UMAD1: variants seen among roughly 807,000 people sequenced by gnomAD.
UMAD1 encodes UBAP1-MVB12-associated (UMA)-domain containing protein 1.
In UMAD1, 8 loss-of-function variants were observed where a neutral mutation model predicts 6.1. The ratio of observed to expected loss-of-function variants is 1.30; its 90% CI spans 0.76 to 2.35. UMAD1 has a LOEUF of 2.35. Among genes scored for constraint, UMAD1 ranks in the 30% most tolerant of loss-of-function variants. UMAD1 has a pLI of 0.00. For synonymous variants in UMAD1, 56 were observed against 31.4 expected, an observed-to-expected ratio of 1.78 and a Z score of -2.61; for missense variants, 130 against 78.4, an observed-to-expected ratio of 1.66 and a Z score of -2.49.
intron 1 of UMAD1, among the ~76,000 whole-genome samples, chr7:7,653,923 A>G (rs929792180): frequency 2.0e-5 from 3 of 152,230 alleles, no homozygotes; most frequent in Non-Finnish European, 4.4e-5. Context: ...ACAAAGAATT[A>G]CCTGATCCCA....
At chr7:7,800,748 A>G (rs374595901) in intron 2 of UMAD1, among the ~76,000 whole-genome samples, 7 of 152,140 alleles carry the variant, frequency 4.6e-5, no homozygotes, top group African/African-American at 1.7e-4. Context: ...CTTAGACAAG[A>G]TTTTCATACT....
At chr7:7,836,590 C>G (rs1012187374) in intron 3 of UMAD1, among the ~76,000 whole-genome samples, 2 of 151,640 alleles carry the variant, frequency 1.3e-5, no homozygotes, top group African/African-American at 4.8e-5. Flanking sequence ...TCTCATATAA[C>G]ACAAACTAAA....
intron 3 of UMAD1, among the ~76,000 whole-genome samples, chr7:7,824,248 A>G (rs1583852714): frequency 1.3e-5 from 2 of 152,158 alleles, no homozygotes; most frequent in Middle Eastern, 3.4e-3. Context: ...ACCCCGGCTC[A>G]CCTTCAGTAA....
rs1784472501 is a variant in UMAD1 at position 7,878,727 on chromosome 7, A to G, written c.*1189A>G. 6.6e-6 allele frequency: 1 copy of G among 152,254 alleles called. No homozygotes were observed. The highest frequency in any genetic ancestry group is 2.4e-5 in the African/African-American group (1 of 41,470). 9.4% of individuals were successfully genotyped at this position (152,254 alleles called of 1,614,324 possible). Reference sequence around the variant, plus strand: ...GCCATAGTGAAACTAAACACTGTGCATAAAGGTACATGAATTATTCCAGTT... The same window carrying G: ...GCCATAGTGAAACTAAACACTGTGCGTAAAGGTACATGAATTATTCCAGTT... On this transcript the variant is annotated 3_prime_UTR_variant, in exon 4 of 4. Transcript: ENST00000682710.
At chr7:7,695,567 C>T (rs1390674780) in intron 2 of UMAD1, among the ~76,000 whole-genome samples, 1 of 152,144 alleles carries the variant, frequency 6.6e-6, no homozygotes, top group Non-Finnish European at 1.5e-5. Context: ...TCAAGCTTTT[C>T]ATGTTCTTTG....
chr7:7,678,636 A>AGATAAATATATATTTATATATTTAGTT lies in UMAD1; in HGVS notation c.82+5184_82+5210dup, dbSNP rs1583725680. The stretch of plus-strand genomic sequence containing the variant: ...ATATATATTTATATACTTAATTTAT[A>AGATAAATATATATTTATATATTTAGTT]GATAAATATATATTTATATATTTAG... On this transcript the variant is annotated intron_variant, in intron 2 of 3. Transcript: ENST00000682710. Among the ~76,000 whole-genome samples the AGATAAATATATATTTATATATTTAGTT allele has an allele frequency of 7.4e-5, 4 of 53,972 alleles. No homozygotes were observed. The South Asian group carries it at 2.0e-3, about 27-fold the overall frequency. The allele number at this position is 53,972 out of a possible 152,430, so 35.4% of individuals were successfully genotyped here.
chr7:7,823,933 A>G (rs1783294554), intron 3 of UMAD1, among the ~76,000 whole-genome samples: 1 of 152,154 alleles, frequency 6.6e-6, no homozygotes, highest in Admixed American at 6.6e-5. Context: ...GCCTAGCAGT[A>G]TAATCCCAGA....
intron 3 of UMAD1, among the ~76,000 whole-genome samples, chr7:7,842,074 A>G (rs757301568): frequency 5.3e-5 from 8 of 152,212 alleles, no homozygotes; most frequent in African/African-American, 1.2e-4. Context: ...TAGGTAAGCA[A>G]TAACAGCAAA....
At chr7:7,794,590 A>G (rs1782636163) in intron 2 of UMAD1, among the ~76,000 whole-genome samples, 1 of 152,180 alleles carries the variant, frequency 6.6e-6, no homozygotes, top group Admixed American at 6.5e-5. Flanking sequence ...ATTAATGTTA[A>G]AAGAGAGATT....
intron 2 of UMAD1, among the ~76,000 whole-genome samples, chr7:7,707,453 T>C (rs1780634480): frequency 6.6e-6 from 1 of 152,214 alleles, no homozygotes; most frequent in Non-Finnish European, 1.5e-5. Context: ...CATTTAAACA[T>C]GTTGAACGTA....
chr7:7,673,420 CCAGAGA>C lies in UMAD1; in HGVS notation c.54_59del (p.Thr19_Glu20del), dbSNP rs1779661432. ...TCCGGAATCTAAAAAGCCCTCAGTA[CCAGAGA>C]CAGAAGCAGATGGATTCGTCCTTTT... is the stretch of plus-strand genomic sequence containing the variant. On this transcript the variant is annotated inframe_deletion, in exon 2 of 4. Coordinates refer to ENST00000682710, the MANE Select transcript of UMAD1 (RefSeq NM_001302348.2). 9.8e-7 allele frequency: 1 copy of C among 1,021,064 alleles called. No homozygotes were observed. The highest frequency in any genetic ancestry group is 2.6e-5 in the East Asian group (1 of 38,420). The allele number at this position is 1,021,064 out of a possible 1,614,324, so 63.3% of individuals were successfully genotyped here.
At chr7:7,823,916 A>G (rs577737833) in intron 3 of UMAD1, among the ~76,000 whole-genome samples, 36 of 152,250 alleles carry the variant, frequency 2.4e-4, no homozygotes, top group Middle Eastern at 6.8e-3. Context: ...TTCATTTAGT[A>G]TTAAATGCCT....
chr7:7,684,660 T>TACTTG (rs1278308829), intron 2 of UMAD1, among the ~76,000 whole-genome samples: 1 of 152,216 alleles, frequency 6.6e-6, no homozygotes, highest in Non-Finnish European at 1.5e-5. Flanking sequence ...TTTTATTAAA[T>TACTTG]TAATTATACA....
chr7:7,816,263 T>C (rs1372112675), intron 3 of UMAD1, among the ~76,000 whole-genome samples: 2 of 152,202 alleles, frequency 1.3e-5, no homozygotes, highest in African/African-American at 4.8e-5. Context: ...ATGCTTTGCA[T>C]CGTGTTGTTT....
chr7:7,823,150 T>TTTA (rs1563235418), intron 3 of UMAD1, among the ~76,000 whole-genome samples: 2 of 152,120 alleles, frequency 1.3e-5, no homozygotes, highest in African/African-American at 2.4e-5. Context: ...AAGCTCACAC[T>TTTA]TTTATATTGT....
chr7:7,782,858 T>C (rs1176599030), intron 2 of UMAD1, among the ~76,000 whole-genome samples: 1 of 150,534 alleles, frequency 6.6e-6, no homozygotes, highest in Non-Finnish European at 1.5e-5. Flanking sequence ...GCCTCCCAAA[T>C]AGCTGGGACT....
rs1206995812 is a variant in UMAD1, at chr7:7,808,193, C to G, written c.156+6450C>G. Among the ~76,000 whole-genome samples, 4 of 152,088 alleles carry G rather than the reference C, an allele frequency of 2.6e-5. No individual in the cohort carries two copies. In the South Asian group the frequency reaches 8.3e-4, roughly 31 times the overall value. The stretch of plus-strand genomic sequence containing the variant: ...ATCCAATTAAAGGATTAGACACATC[C>G]TTTTCATTCTTCTTTTTTCCTTCTT... On this transcript the variant is annotated intron_variant, in intron 3 of 3. Transcript: ENST00000682710.
intron 3 of UMAD1, among the ~76,000 whole-genome samples, chr7:7,826,158 C>T (rs956494171): frequency 6.6e-6 from 1 of 152,044 alleles, no homozygotes; most frequent in Non-Finnish European, 1.5e-5. Context: ...TCAGAAATTG[C>T]ATTTGGCTGA....
At chr7:7,672,657 C>G (rs751136393) in intron 1 of UMAD1, among the ~76,000 whole-genome samples, 3 of 152,170 alleles carry the variant, frequency 2.0e-5, no homozygotes, top group Non-Finnish European at 2.9e-5. Flanking sequence ...CACTCATTCT[C>G]TCCCTGTCGT....
Sources: allele counts gnomAD v4.1 joint callset (sites outside exome capture counted in the v4.1 genomes callset), GRCh38; gene constraint gnomAD v4.1.1; transcripts MANE v1.5; gene names NCBI Gene and HGNC (gene_info 2026-07-23, HGNC 2026-07-21).